The following PTPRJ variants were observed in gnomAD, a reference collection of about 807,000 sequenced individuals.
The protein encoded by PTPRJ is receptor-type tyrosine-protein phosphatase eta.
PTPRJ carries 129 observed loss-of-function variants against 141.3 expected under a neutral mutation model. The observed-to-expected ratio is 0.91, with a 90% confidence interval of 0.79 to 1.06. PTPRJ has a LOEUF of 1.06. PTPRJ is among the 50% of genes least tolerant of loss of function. PTPRJ has a pLI of 0.00. For synonymous variants in PTPRJ, 610 were observed against 640.5 expected, an observed-to-expected ratio of 0.95 and a Z score of 0.72; for missense variants, 1,601 against 1,679.7, an observed-to-expected ratio of 0.95 and a Z score of 0.82.
chr11:48,054,687 G>A (rs1854707400), intron 1 of PTPRJ, among the ~76,000 whole-genome samples: 1 of 151,750 alleles, frequency 6.6e-6, no homozygotes. Flanking sequence ...TCCCTTTTAT[G>A]AAAAAAAGTT....
At chr11:48,147,946 A>G (rs1214959116) in intron 15 of PTPRJ, among the ~76,000 whole-genome samples, 3 of 152,074 alleles carry the variant, frequency 2.0e-5, no homozygotes, top group East Asian at 3.9e-4. Context: ...TCCTGGTTCA[A>G]GTGATTCTGC....
intron 3 of PTPRJ, among the ~76,000 whole-genome samples, chr11:48,120,197 G>A (rs1251183348): frequency 1.3e-5 from 2 of 152,178 alleles, no homozygotes. Context: ...GGTTTGAAGG[G>A]ACTAATTCTA....
At chr11:48,087,024 A>C (rs1211564663) in intron 1 of PTPRJ, among the ~76,000 whole-genome samples, 1 of 152,240 alleles carries the variant, frequency 6.6e-6, no homozygotes, top group Admixed American at 6.5e-5. Context: ...ATAATAACAC[A>C]ATGTATCATT....
intron 1 of PTPRJ, among the ~76,000 whole-genome samples, chr11:48,101,561 T>C (rs1397062279): frequency 6.6e-6 from 1 of 152,158 alleles, no homozygotes; most frequent in Non-Finnish European, 1.5e-5. Flanking sequence ...CAGAGGCAGT[T>C]TGTGAACCTG....
chr11:48,004,194 A>G (rs1319307303), intron 1 of PTPRJ, among the ~76,000 whole-genome samples: 1 of 152,236 alleles, frequency 6.6e-6, no homozygotes, highest in Non-Finnish European at 1.5e-5. Context: ...ATTCCTGGTT[A>G]TATCTTAGGA....
intron 5 of PTPRJ, 123 bp from the exon 6 acceptor site, chr11:48,124,845 T>C (rs994679915): frequency 1.5e-5 from 13 of 862,574 alleles, no homozygotes; most frequent in South Asian, 4.4e-5. Context: ...GGAGCAGATA[T>C]TGATGGAGCA....
At chr11:47,986,626 A>G (rs1248336512) in intron 1 of PTPRJ, among the ~76,000 whole-genome samples, 1 of 152,064 alleles carries the variant, frequency 6.6e-6, no homozygotes, top group Non-Finnish European at 1.5e-5. Context: ...AAGCAATTCT[A>G]CTGCCTTAGT....
At chr11:48,028,292 T>G (rs1342050572) in intron 1 of PTPRJ, among the ~76,000 whole-genome samples, 1 of 152,220 alleles carries the variant, frequency 6.6e-6, no homozygotes, top group African/African-American at 2.4e-5. Flanking sequence ...TCTCTCCTCA[T>G]GGGCAGCCTG....
In PTPRJ at chr11:48,159,998, A is replaced by G. The variant is rs1198801812; in HGVS notation, c.3507A>G (p.Thr1169=). ...QDYGDITVAM[T]SEIVLPEWTI... is the part of the protein sequence containing the mutation. ...ATGGAGACATAACTGTGGCAATGACATCAGAAATTGTTCTTCCGGAATGGA... is the reference window on the plus strand; with the variant it reads ...ATGGAGACATAACTGTGGCAATGACGTCAGAAATTGTTCTTCCGGAATGGA... Residue 1169 remains threonine, a synonymous_variant, in exon 22 of 25, where the codon ACA becomes ACG. Coordinates refer to ENST00000418331, the MANE Select transcript of PTPRJ (RefSeq NM_002843.4). 6 of 1,613,898 alleles carry G rather than the reference A, an allele frequency of 3.7e-6. No homozygotes were observed. The highest frequency in any genetic ancestry group is 5.1e-6 in the Non-Finnish European group (6 of 1,179,884).
At chr11:48,006,212 A>T (rs1035522340) in intron 1 of PTPRJ, among the ~76,000 whole-genome samples, 1 of 152,150 alleles carries the variant, frequency 6.6e-6, no homozygotes, top group Non-Finnish European at 1.5e-5. Flanking sequence ...TCTTTTGAGC[A>T]TCACTTTCCT....
intron 1 of PTPRJ, among the ~76,000 whole-genome samples, chr11:48,033,107 A>G (rs1854028263): frequency 6.6e-6 from 1 of 151,902 alleles, no homozygotes; most frequent in Non-Finnish European, 1.5e-5. Context: ...CTGTGAAAGA[A>G]GTGACATAGG....
chr11:47,990,709 G>A (rs887638261), intron 1 of PTPRJ, among the ~76,000 whole-genome samples: 5 of 145,328 alleles, frequency 3.4e-5, no homozygotes, highest in Non-Finnish European at 6.0e-5. Context: ...TTTTGGAGAC[G>A]GAGTCTCACC....
At chr11:48,016,128 A>T in intron 1 of PTPRJ, among the ~76,000 whole-genome samples, 1 of 152,024 alleles carries the variant, frequency 6.6e-6, no homozygotes, top group East Asian at 1.9e-4. Flanking sequence ...GATTGACCTA[A>T]GTGTCACCTG....
At chr11:48,000,796 T>TCCCC (rs1205482189) in intron 1 of PTPRJ, among the ~76,000 whole-genome samples, 2 of 152,112 alleles carry the variant, frequency 1.3e-5, no homozygotes, top group East Asian at 3.9e-4. Context: ...TCTGTCTGTC[T>TCCCC]CCCCACCTCT....
At chr11:48,023,893 CA>C (rs1853731272) in intron 1 of PTPRJ, among the ~76,000 whole-genome samples, 1 of 151,718 alleles carries the variant, frequency 6.6e-6, no homozygotes, top group African/African-American at 2.4e-5. Flanking sequence ...CTTTTTTGGT[CA>C]AAACCAGAAT....
At chr11:48,160,200 C>A in intron 22 of PTPRJ, 151 bp downstream of exon 22, 4 of 1,065,590 alleles carry the variant, frequency 3.8e-6, no homozygotes, top group Non-Finnish European at 5.3e-6. Flanking sequence ...AATCCATATG[C>A]ATGTATACTC....
intron 3 of PTPRJ, among the ~76,000 whole-genome samples, chr11:48,116,055 G>T (rs1856557783): frequency 6.6e-6 from 1 of 151,990 alleles, no homozygotes; most frequent in African/African-American, 2.4e-5. Context: ...GCAGTAGTAA[G>T]TTCTTACCTA....
intron 1 of PTPRJ, among the ~76,000 whole-genome samples, chr11:48,071,544 G>A (rs985635230): frequency 2.0e-5 from 3 of 146,700 alleles, no homozygotes; most frequent in Non-Finnish European, 3.0e-5. Flanking sequence ...TCTCGACCTC[G>A]TGATCCTCCC....
At position 48,058,036 on chromosome 11, in the gene PTPRJ, C is replaced by T. The variant is rs528985581; in HGVS notation, c.97-52022C>T. Among the ~76,000 whole-genome samples, 146 of 152,072 alleles carry T rather than the reference C, an allele frequency of 9.6e-4. 1 individual carries two copies. The highest frequency in any genetic ancestry group is 3.4e-3 in the African/African-American group (142 of 41,484). ...AAGTGATTCTCCTGCCTCAGCCTCCCGAGTAGCTGGGATTACAGGCATGTG... is the reference window on the plus strand; with the variant it reads ...AAGTGATTCTCCTGCCTCAGCCTCCTGAGTAGCTGGGATTACAGGCATGTG... On this transcript the variant is annotated intron_variant, in intron 1 of 24. Coordinates refer to ENST00000418331, the MANE Select transcript of PTPRJ (RefSeq NM_002843.4).
Sources: gnomAD v4.1 joint callset for allele counts (sites outside exome capture counted in the v4.1 genomes callset) on GRCh38, gnomAD v4.1.1 for gene constraint, MANE v1.5 for transcripts, NCBI Gene and HGNC (gene_info 2026-07-23, HGNC 2026-07-21) for gene names.